FMNL2: variants seen among roughly 807,000 people sequenced by gnomAD.
The protein encoded by FMNL2 is formin like 2.
A neutral mutation model predicts 130.2 loss-of-function variants in FMNL2; 51 were observed. That is an observed-to-expected ratio of 0.39 (90% CI 0.31 to 0.49). The LOEUF (loss-of-function observed/expected upper bound fraction) is 0.49. FMNL2 is among the 20% of genes least tolerant of loss of function. The pLI is 0.85. For missense variants in FMNL2, 977 were observed against 1,316.2 expected, an observed-to-expected ratio of 0.74 and a Z score of 3.99; for synonymous variants, 465 against 467.1, an observed-to-expected ratio of 1.00 and a Z score of 0.06.
intron 4 of FMNL2, among the ~76,000 whole-genome samples, chr2:152,556,658 A>G (rs1695224468): frequency 6.6e-6 from 1 of 152,178 alleles, no homozygotes; most frequent in Admixed American, 6.5e-5. Flanking sequence ...CCTCTTGTCC[A>G]ATTGGTGGCT....
At chr2:152,506,096 A>G (rs554106169) in intron 1 of FMNL2, among the ~76,000 whole-genome samples, 2 of 152,362 alleles carry the variant, frequency 1.3e-5, no homozygotes, top group East Asian at 3.9e-4. Context: ...GGTGCTGCGT[A>G]CTATGTGATA....
chr2:152,378,946 T>C (rs771591696), intron 1 of FMNL2, among the ~76,000 whole-genome samples: 12 of 123,296 alleles, frequency 9.7e-5, no homozygotes, highest in Non-Finnish European at 1.4e-4. Context: ...ACTCCAGATA[T>C]TGAGAGGGAT....
intron 9 of FMNL2, among the ~76,000 whole-genome samples, chr2:152,599,509 G>T (rs188165053): frequency 7.6e-6 from 1 of 130,800 alleles, no homozygotes; most frequent in South Asian, 2.6e-4. Context: ...GGGATTTTAC[G>T]ATCCTTTTGC....
chr2:152,335,586 C>A lies in FMNL2; in HGVS notation c.-18C>A, dbSNP rs1408600997. 3 of 1,576,134 alleles carry A rather than the reference C, an allele frequency of 1.9e-6. No individual in the cohort carries two copies. Among genetic ancestry groups the A allele is most frequent in the Admixed American group, 3.5e-5 (2 of 57,466 alleles). On this transcript the variant is annotated 5_prime_UTR_variant, in exon 1 of 26. Coordinates refer to ENST00000288670, the MANE Select transcript of FMNL2 (RefSeq NM_052905.4). ...GCTAGGGGCCCGGAGCAGCCCCCGG[C>A]CCCGGCGCGCCGCCGACATGGGCAA...
At chr2:152,425,500 C>A (rs1157064820) in intron 1 of FMNL2, among the ~76,000 whole-genome samples, 1 of 152,154 alleles carries the variant, frequency 6.6e-6, no homozygotes, top group African/African-American at 2.4e-5. Context: ...TCTTAAATAT[C>A]TTTGGCTTAA....
At chr2:152,364,054 A>T (rs1021253337) in intron 1 of FMNL2, among the ~76,000 whole-genome samples, 12 of 152,162 alleles carry the variant, frequency 7.9e-5, no homozygotes, top group Non-Finnish European at 1.3e-4. Flanking sequence ...TGAGTTGCTC[A>T]TGAGGTAGTT....
chr2:152,385,834 T>C (rs1423476848), intron 1 of FMNL2, among the ~76,000 whole-genome samples: 1 of 152,226 alleles, frequency 6.6e-6, no homozygotes, highest in Non-Finnish European at 1.5e-5. Flanking sequence ...AATTGTGTTC[T>C]TATGCCATGG....
At chr2:152,520,453 G>C (rs996179386) in intron 1 of FMNL2, among the ~76,000 whole-genome samples, 2 of 152,054 alleles carry the variant, frequency 1.3e-5, no homozygotes, top group Admixed American at 1.3e-4. Context: ...AAATTAGCCA[G>C]ACATGGTGGC....
chr2:152,387,885 C>G (rs1684873574), intron 1 of FMNL2, among the ~76,000 whole-genome samples: 1 of 151,490 alleles, frequency 6.6e-6, no homozygotes. Flanking sequence ...ATCTCCTGGG[C>G]TCACACAATC....
At chr2:152,500,086 C>T (rs1387596421) in intron 1 of FMNL2, among the ~76,000 whole-genome samples, 1 of 152,038 alleles carries the variant, frequency 6.6e-6, no homozygotes. Flanking sequence ...TTAATGAAAG[C>T]AGAACAGTGA....
At chr2:152,534,530 T>C (rs1693879319) in intron 2 of FMNL2, among the ~76,000 whole-genome samples, 2 of 151,500 alleles carry the variant, frequency 1.3e-5, no homozygotes, top group African/African-American at 2.4e-5. Context: ...AATTGCCTAA[T>C]GGTTTCTACA....
At chr2:152,379,351 A>G (rs1441346219) in intron 1 of FMNL2, among the ~76,000 whole-genome samples, 1 of 152,214 alleles carries the variant, frequency 6.6e-6, no homozygotes, top group Non-Finnish European at 1.5e-5. Context: ...TGACTGCTGG[A>G]TAGTCTTCTT....
intron 10 of FMNL2, among the ~76,000 whole-genome samples, chr2:152,609,168 T>C (rs1429247296): frequency 6.6e-6 from 1 of 152,236 alleles, no homozygotes; most frequent in Non-Finnish European, 1.5e-5. Context: ...CTAGGTTCCA[T>C]TTTCTGTCAG....
chr2:152,518,105 A>T (rs910292434), intron 1 of FMNL2, among the ~76,000 whole-genome samples: 2 of 152,172 alleles, frequency 1.3e-5, no homozygotes, highest in Non-Finnish European at 2.9e-5. Flanking sequence ...TTTAGCTTGG[A>T]CTCCAGAGTC....
chr2:152,635,246 G>A (rs11694512), intron 21 of FMNL2, among the ~76,000 whole-genome samples: 17,773 of 152,160 alleles, frequency 0.12, 1,177 homozygotes, highest in Middle Eastern at 0.21. Flanking sequence ...GATCAGCTTC[G>A]ATGATTGCTC....
intron 1 of FMNL2, among the ~76,000 whole-genome samples, chr2:152,489,737 C>T (rs1169443283): frequency 6.6e-6 from 1 of 152,166 alleles, no homozygotes; most frequent in Non-Finnish European, 1.5e-5. Context: ...ATTGATGTTA[C>T]TTCATTGATT....
intron 19 of FMNL2, 22 bp from the exon 20 acceptor site, chr2:152,629,803 C>T (rs763281290): frequency 6.2e-7 from 1 of 1,611,036 alleles, no homozygotes; most frequent in Non-Finnish European, 8.5e-7. Flanking sequence ...TGATGGGCTT[C>T]TGTTTTCACC....
rs11901392 is a variant in FMNL2, at chr2:152,426,455, A to T, written c.117+90735A>T. 1.2e-4 allele frequency among the ~76,000 whole-genome samples: 18 copies of T among 152,082 alleles called. 1 individual carries two copies. Among genetic ancestry groups the T allele is most frequent in the Admixed American group, 1.2e-3 (18 of 15,276 alleles). On this transcript the variant is annotated intron_variant, in intron 1 of 25. Transcript: ENST00000288670. ...GTTCCAAAGGCAGGAGCCATGTGGC[A>T]GTGCACTTTCAGTGCCTCAAGCATT...
chr2:152,551,965 C>T (rs541250499), intron 4 of FMNL2, among the ~76,000 whole-genome samples: 1 of 152,234 alleles, frequency 6.6e-6, no homozygotes, highest in Non-Finnish European at 1.5e-5. Context: ...GCAGCCATTG[C>T]ACTCTCTGAG....
Sources: gnomAD v4.1 joint callset for allele counts (sites outside exome capture counted in the v4.1 genomes callset) on GRCh38, gnomAD v4.1.1 for gene constraint, MANE v1.5 for transcripts, NCBI Gene and HGNC (gene_info 2026-07-23, HGNC 2026-07-21) for gene names.